Variants in ADGRE2 observed in about 807,000 individuals in gnomAD.
ADGRE2 encodes the protein adhesion G protein-coupled receptor E2, also known as CD97 antigen.
Under a neutral mutation model 100.8 loss-of-function variants are expected in ADGRE2, and 83 were observed. The ratio of observed to expected loss-of-function variants is 0.82; its 90% CI spans 0.69 to 0.99. The LOEUF (loss-of-function observed/expected upper bound fraction) is 0.99. Among genes scored for constraint, ADGRE2 ranks in the 50% least tolerant of loss-of-function variants. The pLI, the probability that ADGRE2 is intolerant of heterozygous loss-of-function variation, is 0.00. For synonymous variants in ADGRE2, 355 were observed against 413.0 expected, an observed-to-expected ratio of 0.86 and a Z score of 1.70; for missense variants, 814 against 1,035.7, an observed-to-expected ratio of 0.79 and a Z score of 2.94.
downstream of ADGRE2, chr19:14,732,377 C>T (rs1056309845): frequency 2.6e-5 from 4 of 152,116 alleles, no homozygotes; most frequent in African/African-American, 9.7e-5. Context: ...CTTTTATGCA[C>T]ACTGGGAAAC....
chr19:14,769,216 ACC>A (rs34106120), intron 5 of ADGRE2, among the ~76,000 whole-genome samples: 44,326 of 149,718 alleles, frequency 0.3, 7,293 homozygotes, highest in African/African-American at 0.44. Context: ...ATGGTGAGAC[ACC>A]CCCCCCCCAT....
chr19:14,766,417 G>T lies in ADGRE2; in HGVS notation c.488-36C>A, dbSNP rs766555499. The T allele has an allele frequency of 3.2e-6, 5 of 1,575,402 alleles. No homozygotes were observed. The South Asian group carries it at 6.0e-5, about 19-fold the overall frequency. ...AGCCAGAGGGTCAAACCCTGTCCCTGACCAGCCTGGGCCTGCCCTCCACTC... is the reference window on the plus strand; with the variant it reads ...AGCCAGAGGGTCAAACCCTGTCCCTTACCAGCCTGGGCCTGCCCTCCACTC... On this transcript the variant is annotated intron_variant, in intron 6 of 20. Transcript: ENST00000315576.
rs1350551080 is a variant in ADGRE2, at chr19:14,776,886, A to C, written c.-130T>G. The C allele has an allele frequency of 6.6e-7, 1 of 1,523,376 alleles. No individual in the cohort carries two copies. Among genetic ancestry groups the C allele is most frequent in the African/African-American group, 1.4e-5 (1 of 71,798 alleles). 94.4% of individuals were successfully genotyped at this position (1,523,376 alleles called of 1,614,324 possible). ...GGACTTTATAAAGGAGGGGGGGCGGACAGCCGCTGGCCCAGGGCCCTCCCC... is the reference window on the plus strand; with the variant it reads ...GGACTTTATAAAGGAGGGGGGGCGGCCAGCCGCTGGCCCAGGGCCCTCCCC... On this transcript the variant is annotated 5_prime_UTR_variant, in exon 2 of 21. Transcript: ENST00000315576.
intron 20 of ADGRE2, among the ~76,000 whole-genome samples, chr19:14,741,022 C>G (rs998352058): frequency 6.6e-6 from 1 of 152,024 alleles, no homozygotes; most frequent in African/African-American, 2.4e-5. Context: ...TGTGCCACCA[C>G]GCCCAGCGAA....
chr19:14,738,337 T>C lies in ADGRE2; in HGVS notation c.2464-2093A>G, dbSNP rs114539483. Among the ~76,000 whole-genome samples, 343 of 152,310 alleles carry C rather than the reference T, an allele frequency of 2.3e-3. 1 individual carries two copies. Among genetic ancestry groups the C allele is most frequent in the African/African-American group, 8.0e-3 (331 of 41,564 alleles). On this transcript the variant is annotated intron_variant, in intron 20 of 20. Coordinates refer to ENST00000315576, the MANE Select transcript of ADGRE2 (RefSeq NM_013447.4). ...AATTAATGAAATGTTAGAAGTGTTA[T>C]CTATTGTTAACCACATAAGATTTAA... is the stretch of plus-strand genomic sequence containing the variant.
chr19:14,762,856 C>T (rs1399361900), intron 11 of ADGRE2, among the ~76,000 whole-genome samples: 1 of 151,928 alleles, frequency 6.6e-6, no homozygotes, highest in Non-Finnish European at 1.5e-5. Context: ...GTTGGCCAGG[C>T]TGGATTTGAA....
rs536007948 is a variant in ADGRE2, at chr19:14,751,317, T to C, written c.2024+119A>G. 1.3e-4 allele frequency: 89 copies of C among 695,564 alleles called. 2 individuals are homozygous for C. The highest frequency in any genetic ancestry group is 9.7e-4 in the South Asian group (54 of 55,804). 43.1% of individuals were successfully genotyped at this position (695,564 alleles called of 1,614,324 possible). On this transcript the variant is annotated intron_variant, in intron 16 of 20. Transcript: ENST00000315576. ...AGGAGCTGCAGTGTAATCCAACCAA[T>C]AGAGCCTAAAATCCCTACTGATCTA...
intron 7 of ADGRE2, 71 bp from the exon 8 acceptor site, chr19:14,765,875 C>A (rs1397386177): frequency 1.2e-6 from 2 of 1,611,934 alleles, no homozygotes; most frequent in Admixed American, 3.3e-5. Flanking sequence ...TCTGTGCCCC[C>A]AGCTCGTTCC....
At chr19:14,748,741 A>G (rs922036386) in intron 16 of ADGRE2, among the ~76,000 whole-genome samples, 2 of 152,222 alleles carry the variant, frequency 1.3e-5, no homozygotes, top group Admixed American at 6.5e-5. Context: ...AATAGTTCAC[A>G]AAACCAAAAA....
rs774170913 is a variant in ADGRE2 at position 14,766,394 on chromosome 19, C to A, written c.488-13G>T. ...CATTCATTCACATCTGAGGACAAAG[C>A]CAGAGGGTCAAACCCTGTCCCTGAC... On this transcript the variant is annotated splice_polypyrimidine_tract_variant and intron_variant, in intron 6 of 20. Coordinates refer to ENST00000315576, the MANE Select transcript of ADGRE2 (RefSeq NM_013447.4). 5 of 1,611,272 alleles carry A rather than the reference C, an allele frequency of 3.1e-6. No individual in the cohort carries two copies. The South Asian group carries it at 4.4e-5, about 14-fold the overall frequency.
chr19:14,768,344 G>A (rs368790598), intron 5 of ADGRE2, among the ~76,000 whole-genome samples: 1 of 152,228 alleles, frequency 6.6e-6, no homozygotes, highest in African/African-American at 2.4e-5. Flanking sequence ...GGCTGTGAAG[G>A]TGCCTTTTTT....
intron 5 of ADGRE2, among the ~76,000 whole-genome samples, chr19:14,769,593 G>A (rs960986854): frequency 1.3e-5 from 2 of 152,196 alleles, no homozygotes; most frequent in African/African-American, 4.8e-5. Context: ...GTCCATGAGA[G>A]CCCTCTCCCA....
intron 20 of ADGRE2, chr19:14,741,761 A>C (rs1325766443): frequency 3.3e-6 from 1 of 301,296 alleles, no homozygotes; most frequent in Non-Finnish European, 6.0e-6. Flanking sequence ...CTGGGATTAC[A>C]GGCATGAGTC....
intron 20 of ADGRE2, among the ~76,000 whole-genome samples, chr19:14,738,306 G>A (rs2042819611): frequency 6.6e-6 from 1 of 152,144 alleles, no homozygotes; most frequent in African/African-American, 2.4e-5. Flanking sequence ...AAGAAGCCAG[G>A]TGGGAAATTA....
Position 14,745,127 on chromosome 19 carries a change from C to T in ADGRE2, c.2183+1105G>A, listed in dbSNP as rs542103733. On this transcript the variant is annotated intron_variant, in intron 18 of 20. Transcript: ENST00000315576. The stretch of plus-strand genomic sequence containing the variant: ...CTGGTCTCTTTGGCCAGGCTGGTCT[C>T]GAACTCCTGACCTTGTGATCTGCCC... 1.5e-4 allele frequency among the ~76,000 whole-genome samples: 23 copies of T among 152,078 alleles called. 1 individual carries two copies. In the South Asian group the frequency reaches 2.1e-3, roughly 14 times the overall value.
rs550516101 is a variant in ADGRE2, at chr19:14,776,766, T to G, written c.-10A>C. On this transcript the variant is annotated 5_prime_UTR_variant, in exon 2 of 21. Coordinates refer to ENST00000315576, the MANE Select transcript of ADGRE2 (RefSeq NM_013447.4). ...AGACGCGGCCTCCCATGGTTCCAGC[T>G]GAGCTGCCGGCAGGAGCAGCAGGGG... 6.2e-7 allele frequency: 1 copy of G among 1,613,066 alleles called. No homozygotes were observed.
At chr19:14,740,536 G>A (rs111960748) in intron 20 of ADGRE2, among the ~76,000 whole-genome samples, 3,733 of 150,316 alleles carry the variant, frequency 0.025, 156 homozygotes, top group African/African-American at 0.086. Context: ...CAGGAGAATC[G>A]CTTTAACCCA....
intron 13 of ADGRE2, 85 bp downstream of exon 13, chr19:14,755,569 C>T (rs575720920): frequency 1.6e-6 from 2 of 1,226,316 alleles, no homozygotes; most frequent in Non-Finnish European, 1.2e-6. Flanking sequence ...TAACAGAGAC[C>T]CCTGAGCCCC....
downstream of ADGRE2, chr19:14,731,607 T>G (rs903915394): frequency 6.1e-6 from 1 of 164,216 alleles, no homozygotes; most frequent in African/African-American, 2.4e-5. Context: ...GTGGGCGTGG[T>G]CTTGTACTTA....
Sources: gnomAD v4.1 joint callset for allele counts (sites outside exome capture counted in the v4.1 genomes callset) on GRCh38, gnomAD v4.1.1 for gene constraint, MANE v1.5 for transcripts, NCBI Gene and HGNC (gene_info 2026-07-23, HGNC 2026-07-21) for gene names.